TREML4: variants seen among roughly 807,000 people sequenced by gnomAD.
The protein encoded by TREML4 is triggering receptor expressed on myeloid cells like 4, also known as trem-like transcript 4 protein.
In TREML4, 25 loss-of-function variants were observed where a neutral mutation model predicts 25.4. That is an observed-to-expected ratio of 0.98 (90% CI 0.72 to 1.37). TREML4 has a LOEUF of 1.37. Ranked by LOEUF, TREML4 falls within the 40% of genes most tolerant of loss-of-function variation. The probability of loss-of-function intolerance (pLI) is 0.00; values close to 1 mark genes in which losing one functional copy is unlikely to be tolerated. For synonymous variants in TREML4, 92 were observed against 87.9 expected (o/e 1.05, Z -0.26); for missense variants, 268 against 236.5 (o/e 1.13, Z -0.87).
At chr6:41,230,189 C>T in intron 4 of TREML4, 67 bp downstream of exon 4, 1 of 1,355,446 alleles carries the variant, frequency 7.4e-7, no homozygotes, top group South Asian at 1.2e-5. Context: ...GCTCCTGAAC[C>T]TTGGAATCAA....
At chr6:41,231,794 G>A (rs2627569) in intron 4 of TREML4, among the ~76,000 whole-genome samples, 133,592 of 152,196 alleles carry the variant, frequency 0.88, 58,917 homozygotes, top group East Asian at 0.95. Context: ...AGAAGAGTAG[G>A]TGTACTAATG....
Position 41,236,481 on chromosome 6 carries a change from T to G in TREML4, c.507-5T>G, listed in dbSNP as rs779416410. ...TCCATCCTCCTTTCTCCTTCTTCCC[T>G]GCAGGAAATCAAGAGCCCCTGCCTG... On this transcript the variant is annotated splice_polypyrimidine_tract_variant and splice_region_variant and intron_variant, in intron 4 of 5. Coordinates refer to ENST00000341495, the MANE Select transcript of TREML4 (RefSeq NM_198153.3). 13 of 1,613,660 alleles carry G rather than the reference T, an allele frequency of 8.1e-6. No homozygotes were observed. In the Admixed American group the frequency reaches 2.2e-4, roughly 27 times the overall value.
At chr6:41,236,119 T>C (rs1766891170) in intron 4 of TREML4, among the ~76,000 whole-genome samples, 1 of 151,854 alleles carries the variant, frequency 6.6e-6, no homozygotes, top group Non-Finnish European at 1.5e-5. Context: ...AGATGTGATA[T>C]CTTGGCTGGT....
At position 41,228,441 on chromosome 6, in the gene TREML4, G is replaced by A; in HGVS notation, c.14G>A (p.Gly5Glu). The change falls in exon 1 of 6, where the codon GGG becomes GAG. Residue 5 changes from glycine to glutamate, a missense_variant. Physicochemically the swap from Gly to Glu is moderately conservative, Grantham distance 98. Coordinates refer to ENST00000341495, the MANE Select transcript of TREML4 (RefSeq NM_198153.3). ...ATCTGGGCTGGAATGGCCTGGGGTGGGGTCCACACCTGCTGCTTCCACCTG... is the reference window on the plus strand; with the variant it reads ...ATCTGGGCTGGAATGGCCTGGGGTGAGGTCCACACCTGCTGCTTCCACCTG... MAWG[G>E]VHTCCFHLCC... The A allele has an allele frequency of 6.2e-7, 1 of 1,612,090 alleles. No individual in the cohort carries two copies. Among genetic ancestry groups the A allele is most frequent in the Non-Finnish European group, 8.5e-7 (1 of 1,179,188 alleles).
At position 41,232,754 on chromosome 6, in the gene TREML4, C is replaced by T. The variant is rs78098864; in HGVS notation, c.506+2632C>T. Among the ~76,000 whole-genome samples the T allele has an allele frequency of 8.5e-3, 1,289 of 152,218 alleles. 21 individuals are homozygous for T. Among genetic ancestry groups the T allele is most frequent in the African/African-American group, 0.028 (1,159 of 41,524 alleles). On this transcript the variant is annotated intron_variant, in intron 4 of 5. Transcript: ENST00000341495. ...ACGTGCAATCTAGAACCCTCGCATG[C>T]CCCATTCATAATAGGGTTCATGCTA...
At chr6:41,228,640 C>T (rs1766724032) in intron 1 of TREML4, 74 bp from the exon 2 acceptor site, 2 of 1,532,122 alleles carry the variant, frequency 1.3e-6, no homozygotes, top group Admixed American at 1.9e-5. Context: ...TCCCCTTCCC[C>T]AGCCTGTGAT....
At position 41,228,704 on chromosome 6, in the gene TREML4, C is replaced by T. The variant is rs1224077215; in HGVS notation, c.64-10C>T. 1 of 1,606,498 alleles carries T rather than the reference C, an allele frequency of 6.2e-7. No individual in the cohort carries two copies. Among genetic ancestry groups the T allele is most frequent in the Non-Finnish European group, 8.5e-7 (1 of 1,175,472 alleles). On this transcript the variant is annotated splice_polypyrimidine_tract_variant and intron_variant, in intron 1 of 5. Coordinates refer to ENST00000341495, the MANE Select transcript of TREML4 (RefSeq NM_198153.3). The stretch of plus-strand genomic sequence containing the variant: ...GACCTGGGTTTCTTTCTGCCGGTTC[C>T]TGGGTAAAGGGTGCTGTGCCTGAAG...
At chr6:41,232,749 G>A (rs1195502073) in intron 4 of TREML4, among the ~76,000 whole-genome samples, 2 of 152,076 alleles carry the variant, frequency 1.3e-5, no homozygotes, top group East Asian at 1.9e-4. Context: ...TAGAACCCTC[G>A]CATGCCCCAT....
chr6:41,236,518 G>C lies in TREML4; in HGVS notation c.539G>C (p.Gly180Ala), dbSNP rs781676992. ...AGAGCCCCTGCCTGCCTTGGCTCAG[G>C]TGGCCCCAGATTCCTGGTCTTGGTG... is the stretch of plus-strand genomic sequence containing the variant. ...KSRAPACLGS[G>A]GPRFLVLVLC... Residue 180 changes from glycine (G) to alanine (A), a missense_variant, in exon 5 of 6, where the codon GGT (glycine) becomes GCT (alanine). Transcript: ENST00000341495. 6.2e-7 allele frequency: 1 copy of C among 1,614,130 alleles called. No homozygotes were observed.
rs957188613 is a variant in TREML4, at chr6:41,238,650, A to G, written c.*1631A>G. ...TTGTGGGATCTCAGACATCTAATTA[A>G]TACTGCCAGCTTGTGTTGCCTGAAC... On this transcript the variant is annotated 3_prime_UTR_variant, in exon 6 of 6. Coordinates refer to ENST00000341495, the MANE Select transcript of TREML4 (RefSeq NM_198153.3). 3 of 152,186 alleles carry G rather than the reference A, an allele frequency of 2.0e-5. No homozygotes were observed. Among genetic ancestry groups the G allele is most frequent in the Non-Finnish European group, 4.4e-5 (3 of 68,036 alleles). The allele number at this position is 152,186 out of a possible 1,614,324, so 9.4% of individuals were successfully genotyped here. A position where few individuals can be genotyped will look rare whatever the true frequency, so the allele number is the denominator to read the frequency against.
At chr6:41,229,601 T>C in intron 3 of TREML4, 30 bp downstream of exon 3, 1 of 1,612,324 alleles carries the variant, frequency 6.2e-7, no homozygotes, top group Non-Finnish European at 8.5e-7. Context: ...GGGGGAAGAT[T>C]AGAAGGGTCA....
intron 4 of TREML4, among the ~76,000 whole-genome samples, chr6:41,230,435 A>C (rs1036408174): frequency 6.6e-6 from 1 of 152,188 alleles, no homozygotes; most frequent in Non-Finnish European, 1.5e-5. Context: ...GTGAGTATGA[A>C]TAGAGTCACT....
intron 1 of TREML4, 56 bp downstream of exon 1, chr6:41,228,546 G>A (rs908181892): frequency 1.3e-6 from 2 of 1,573,994 alleles, no homozygotes; most frequent in South Asian, 2.3e-5. Context: ...AGAATGAGTG[G>A]GGCAGGGAGC....
Position 41,237,758 on chromosome 6 carries a change from A to G in TREML4, c.*739A>G, listed in dbSNP as rs1302268301. 1 of 152,254 alleles carries G rather than the reference A, an allele frequency of 6.6e-6. No homozygotes were observed. The highest frequency in any genetic ancestry group is 2.4e-5 in the African/African-American group (1 of 41,460). The allele number at this position is 152,254 out of a possible 1,614,324, so 9.4% of individuals were successfully genotyped here. On this transcript the variant is annotated 3_prime_UTR_variant, in exon 6 of 6. Coordinates refer to ENST00000341495, the MANE Select transcript of TREML4 (RefSeq NM_198153.3). ...TTAAAATGACATGAGCAGGCGACTCAGTGGCCCAAAACAGGACCCAGAACA... is the reference window on the plus strand; with the variant it reads ...TTAAAATGACATGAGCAGGCGACTCGGTGGCCCAAAACAGGACCCAGAACA...
At chr6:41,232,870 GC>G (rs1766829002) in intron 4 of TREML4, among the ~76,000 whole-genome samples, 1 of 152,012 alleles carries the variant, frequency 6.6e-6, no homozygotes, top group Non-Finnish European at 1.5e-5. Flanking sequence ...ATACTAAGAA[GC>G]CTTACTTGCT....
chr6:41,234,523 A>T (rs941526660), intron 4 of TREML4, among the ~76,000 whole-genome samples: 1 of 41,372 alleles, frequency 2.4e-5, no homozygotes, highest in Non-Finnish European at 7.6e-5. Flanking sequence ...ACAAAAGAAG[A>T]TAATAAATAA....
At chr6:41,228,630 TC>T (rs1485086723) in intron 1 of TREML4, 83 bp from the exon 2 acceptor site, 2 of 1,510,626 alleles carry the variant, frequency 1.3e-6, no homozygotes, top group Non-Finnish European at 1.8e-6. Context: ...TAGTTCCCCC[TC>T]CCCTTCCCCA....
chr6:41,231,968 C>A (rs1439788922), intron 4 of TREML4, among the ~76,000 whole-genome samples: 1 of 152,118 alleles, frequency 6.6e-6, no homozygotes, highest in Non-Finnish European at 1.5e-5. Context: ...CACAAAAATA[C>A]CTCTAGACCC....
At chr6:41,228,589 G>C in intron 1 of TREML4, 99 bp downstream of exon 1, 1 of 1,497,576 alleles carries the variant, frequency 6.7e-7, no homozygotes, top group South Asian at 1.3e-5. Flanking sequence ...ACAGAATTTA[G>C]GGGCCCTCTT....
Sources: allele counts gnomAD v4.1 joint callset (sites outside exome capture counted in the v4.1 genomes callset), GRCh38; gene constraint gnomAD v4.1.1; transcripts MANE v1.5; gene names NCBI Gene and HGNC (gene_info 2026-07-23, HGNC 2026-07-21).